The following RBFOX1 variants were observed in gnomAD, a reference collection of about 807,000 sequenced individuals.
RBFOX1 encodes the protein RNA binding fox-1 homolog 1.
A neutral mutation model predicts 57.7 loss-of-function variants in RBFOX1; 8 were observed. The ratio of observed to expected loss-of-function variants is 0.14; its 90% CI spans 0.08 to 0.25. RBFOX1 has a LOEUF of 0.25. Among genes scored for constraint, RBFOX1 ranks in the 10% least tolerant of loss-of-function variants. The pLI is 1.00. For missense variants in RBFOX1, 611 were observed against 548.5 expected (o/e 1.11, Z -1.14); for synonymous variants, 326 against 222.4 (o/e 1.47, Z -4.15).
chr16:7,095,698 A>T (rs2151223559), intron 4 of RBFOX1, among the ~76,000 whole-genome samples: 1 of 152,300 alleles, frequency 6.6e-6, no homozygotes, highest in South Asian at 2.1e-4. Context: ...CTCGATAAGT[A>T]GCAATTTGTT....
chr16:6,871,460 A>G (rs1360950861), intron 3 of RBFOX1, among the ~76,000 whole-genome samples: 1 of 152,114 alleles, frequency 6.6e-6, no homozygotes. Context: ...TGCTGGGATT[A>G]CAGGTGTGAG....
At chr16:5,998,024 C>T (rs2060520600) in intron 4 of RBFOX1, among the ~76,000 whole-genome samples, 1 of 152,196 alleles carries the variant, frequency 6.6e-6, no homozygotes, top group Non-Finnish European at 1.5e-5. Context: ...GTTGGTGCCT[C>T]ACCAGTTCCT....
chr16:7,239,546 A>G (rs888324386), intron 4 of RBFOX1, among the ~76,000 whole-genome samples: 1 of 152,164 alleles, frequency 6.6e-6, no homozygotes, highest in African/African-American at 2.4e-5. Flanking sequence ...TGATACCTCA[A>G]CAAGTGAAAT....
chr16:5,917,957 G>T (rs2058744852), intron 4 of RBFOX1, among the ~76,000 whole-genome samples: 1 of 152,052 alleles, frequency 6.6e-6, no homozygotes, highest in South Asian at 2.1e-4. Flanking sequence ...ACGGGAGAAA[G>T]AATCTGTCAC....
At chr16:7,067,506 C>A (rs1163776708) in intron 4 of RBFOX1, among the ~76,000 whole-genome samples, 1 of 150,622 alleles carries the variant, frequency 6.6e-6, no homozygotes, top group East Asian at 2.0e-4. Flanking sequence ...AGTTGTAGAA[C>A]TGAGGTCCCT....
chr16:6,259,007 A>G (rs1249726650), intron 1 of RBFOX1, among the ~76,000 whole-genome samples: 1 of 152,212 alleles, frequency 6.6e-6, no homozygotes, highest in African/African-American at 2.4e-5. Context: ...ATAACAAGAT[A>G]TAGACTTTCT....
At chr16:5,621,547 T>A (rs1027727079) in intron 3 of RBFOX1, among the ~76,000 whole-genome samples, 1 of 152,114 alleles carries the variant, frequency 6.6e-6, no homozygotes, top group Non-Finnish European at 1.5e-5. Flanking sequence ...GCAGGAGGGT[T>A]TACATAGAAG....
chr16:6,505,925 T>C (rs2153750586), intron 2 of RBFOX1, among the ~76,000 whole-genome samples: 2 of 152,218 alleles, frequency 1.3e-5, no homozygotes, highest in South Asian at 4.1e-4. Flanking sequence ...AGCATACAGT[T>C]GAGTGGGGTC....
chr16:6,059,770 G>C (rs988741275), intron 1 of RBFOX1, among the ~76,000 whole-genome samples: 2 of 152,050 alleles, frequency 1.3e-5, no homozygotes, highest in Non-Finnish European at 2.9e-5. Context: ...TCACCATTCA[G>C]ATAATGTACA....
At chr16:7,554,446 A>C (rs2087638638) in intron 5 of RBFOX1, among the ~76,000 whole-genome samples, 1 of 152,182 alleles carries the variant, frequency 6.6e-6, no homozygotes, top group Admixed American at 6.5e-5. Flanking sequence ...GCATGTGGTA[A>C]AGAGCTGAAC....
chr16:5,551,470 C>T (rs1203540947), intron 2 of RBFOX1, among the ~76,000 whole-genome samples: 1 of 152,150 alleles, frequency 6.6e-6, no homozygotes, highest in Non-Finnish European at 1.5e-5. Flanking sequence ...CTGCTGCAGC[C>T]AGGGAGTTCC....
chr16:6,992,115 C>G (rs1335895237), intron 3 of RBFOX1, among the ~76,000 whole-genome samples: 2 of 152,042 alleles, frequency 1.3e-5, no homozygotes, highest in Non-Finnish European at 2.9e-5. Flanking sequence ...GTGTAGCTGT[C>G]TCTTCCTTTC....
chr16:6,369,989 A>C (rs947655678), intron 2 of RBFOX1, among the ~76,000 whole-genome samples: 1 of 152,160 alleles, frequency 6.6e-6, no homozygotes, highest in African/African-American at 2.4e-5. Flanking sequence ...TTAGTTGTCA[A>C]GTCTCTTTAG....
intron 4 of RBFOX1, among the ~76,000 whole-genome samples, chr16:5,976,402 G>C (rs929069488): frequency 6.6e-6 from 1 of 152,114 alleles, no homozygotes; most frequent in African/African-American, 2.4e-5. Context: ...CGGAATAAAC[G>C]CTAATTACCA....
At chr16:7,624,833 C>A (rs1190105025) in intron 10 of RBFOX1, among the ~76,000 whole-genome samples, 1 of 152,124 alleles carries the variant, frequency 6.6e-6, no homozygotes, top group African/African-American at 2.4e-5. Flanking sequence ...TGAGGTGATA[C>A]GGTTCTGATG....
At chr16:6,676,142 GCACACACACACACACACACACA>G (rs59806354) in intron 3 of RBFOX1, among the ~76,000 whole-genome samples, 1 of 145,860 alleles carries the variant, frequency 6.9e-6, no homozygotes, top group Non-Finnish European at 1.5e-5. Flanking sequence ...ACACACACGC[GCACACACACACACACACACACA>G]CACACACACA....
At chr16:6,003,148 G>A (rs1233397079) in intron 4 of RBFOX1, among the ~76,000 whole-genome samples, 3 of 152,082 alleles carry the variant, frequency 2.0e-5, no homozygotes, top group African/African-American at 4.8e-5. Flanking sequence ...GCGTGGTGGC[G>A]GGCGGTTGTA....
intron 1 of RBFOX1, among the ~76,000 whole-genome samples, chr16:6,210,352 A>AC (rs2097286508): frequency 1.0e-5 from 1 of 96,378 alleles, no homozygotes; most frequent in Non-Finnish European, 2.4e-5. Context: ...AAACAAAAAA[A>AC]AAAAACACCA....
chr16:7,126,007 T>G (rs2068434141), intron 4 of RBFOX1, among the ~76,000 whole-genome samples: 1 of 152,088 alleles, frequency 6.6e-6, no homozygotes, highest in Non-Finnish European at 1.5e-5. Context: ...CACTTGAACC[T>G]GGGAGGCGGA....
Sources: allele counts gnomAD v4.1 joint callset (sites outside exome capture counted in the v4.1 genomes callset), GRCh38; gene constraint gnomAD v4.1.1; transcripts MANE v1.5; gene names NCBI Gene and HGNC (gene_info 2026-07-23, HGNC 2026-07-21).